Variants in SETDB1 observed in about 807,000 individuals in gnomAD.
SETDB1 encodes the protein SET domain bifurcated histone lysine methyltransferase 1.
A neutral mutation model predicts 137.4 loss-of-function variants in SETDB1; 31 were observed. The ratio of observed to expected loss-of-function variants is 0.23; its 90% CI spans 0.17 to 0.30. SETDB1 has a LOEUF of 0.30. Among genes scored for constraint, SETDB1 ranks in the 10% least tolerant of loss-of-function variants. The pLI is 1.00. For synonymous variants in SETDB1, 548 were observed against 579.9 expected (o/e 0.95, Z 0.79); for missense variants, 1,113 against 1,631.5 (o/e 0.68, Z 5.47).
chr1:150,951,258 C>A, intron 13 of SETDB1, 107 bp from the exon 14 acceptor site: 1 of 1,123,400 alleles, frequency 8.9e-7, no homozygotes, highest in Non-Finnish European at 1.3e-6. Flanking sequence ...GGTAGGGAGG[C>A]TGGAGTCTGA....
Position 150,946,957 on chromosome 1 carries a change from C to G in SETDB1, c.1212C>G (p.Ser404=), listed in dbSNP as rs1340921220. 1.2e-6 allele frequency: 2 copies of G among 1,614,184 alleles called. No individual in the cohort carries two copies. Among genetic ancestry groups the G allele is most frequent in the South Asian group, 2.2e-5 (2 of 91,088 alleles). ...AGCCCATGTTCAGCATGAAAACATC[C>G]TCAGCCTCTGCACTGGAGAAGAAGC... ...RLEPMFSMKT[S]SASALEKKQG... is the part of the protein sequence containing the mutation. Residue 404 remains serine, a synonymous_variant, in exon 10 of 22, where the codon TCC becomes TCG. Coordinates refer to ENST00000692827, the MANE Select transcript of SETDB1 (RefSeq NM_001366418.1).
In SETDB1 at chr1:150,949,176, C is replaced by G; in HGVS notation, c.1322C>G (p.Thr441Ser). 1.2e-6 allele frequency: 2 copies of G among 1,614,076 alleles called. No individual in the cohort carries two copies. The highest frequency in any genetic ancestry group is 1.7e-6 in the Non-Finnish European group (2 of 1,180,004). Residue 441 changes from threonine to serine, a missense_variant, in exon 11 of 22, where the codon ACT (threonine) becomes AGT (serine). This residue lies in a region of SETDB1 where 192 missense variants were observed against 198.1 expected (regional missense o/e 0.97). Coordinates refer to ENST00000692827, the MANE Select transcript of SETDB1 (RefSeq NM_001366418.1). The part of the protein sequence containing the change: ...VVQYTQDLTG[T>S]GTQFKPVEPP... ...CAGTACACACAGGATCTGACCGGTACTGGAACCCAGTTCAAGCCAGTGGAA... is the reference window on the plus strand; with the variant it reads ...CAGTACACACAGGATCTGACCGGTAGTGGAACCCAGTTCAAGCCAGTGGAA...
intron 2 of SETDB1, among the ~76,000 whole-genome samples, chr1:150,929,101 A>G (rs1340410054): frequency 6.6e-6 from 1 of 152,166 alleles, no homozygotes. Flanking sequence ...TCCTTTGGGT[A>G]TATACCCAGT....
rs779371202 is a variant in SETDB1, at chr1:150,946,969, A to G, written c.1224A>G (p.Ala408=). The change falls in exon 10 of 22, where the codon GCA becomes GCG. Residue 408 remains alanine (A), a synonymous_variant. Coordinates refer to ENST00000692827, the MANE Select transcript of SETDB1 (RefSeq NM_001366418.1). ...MFSMKTSSAS[A]LEKKQGQLRT... is the part of the protein sequence containing the mutation. Reference sequence around the variant, plus strand: ...GCATGAAAACATCCTCAGCCTCTGCACTGGAGAAGAAGCAAGGACAGCTCA... The same window carrying G: ...GCATGAAAACATCCTCAGCCTCTGCGCTGGAGAAGAAGCAAGGACAGCTCA... 6 of 1,614,180 alleles carry G rather than the reference A, an allele frequency of 3.7e-6. No individual in the cohort carries two copies. The highest frequency in any genetic ancestry group is 5.1e-6 in the Non-Finnish European group (6 of 1,180,010).
At chr1:150,938,961 C>A (rs1408867739) in intron 3 of SETDB1, among the ~76,000 whole-genome samples, 1 of 152,058 alleles carries the variant, frequency 6.6e-6, no homozygotes, top group South Asian at 2.1e-4. Flanking sequence ...CCACTGCACT[C>A]CACTGGTCTT....
At chr1:150,946,248 A>T (rs1670324225) in intron 9 of SETDB1, among the ~76,000 whole-genome samples, 1 of 151,938 alleles carries the variant, frequency 6.6e-6, no homozygotes, top group Non-Finnish European at 1.5e-5. Flanking sequence ...CGAACTCCTG[A>T]GCTCAAGCAG....
chr1:150,947,056 C>T (rs1245024414), intron 10 of SETDB1, 44 bp downstream of exon 10: 3 of 1,610,116 alleles, frequency 1.9e-6, no homozygotes, highest in African/African-American at 2.7e-5. Context: ...AACAGGCCAA[C>T]CAGCAAAGGA....
In SETDB1 at chr1:150,942,669, T is replaced by C; in HGVS notation, c.654T>C (p.Leu218=). The C allele has an allele frequency of 6.2e-7, 1 of 1,613,402 alleles. No homozygotes were observed. Among genetic ancestry groups the C allele is most frequent in the South Asian group, 1.1e-5 (1 of 90,938 alleles). The change falls in exon 6 of 22, where the codon CTT becomes CTC. Residue 218 remains leucine (L), a synonymous_variant. Transcript: ENST00000692827. ...KRTKTWHKGT[L]IAIQTVGPGK... ...CTAAGACTTGGCACAAAGGCACCCTTATTGCCATCCAGACAGTTGGTATGT... is the reference window on the plus strand; with the variant it reads ...CTAAGACTTGGCACAAAGGCACCCTCATTGCCATCCAGACAGTTGGTATGT...
At chr1:150,936,891 G>A (rs1039504636) in intron 3 of SETDB1, among the ~76,000 whole-genome samples, 4 of 152,140 alleles carry the variant, frequency 2.6e-5, no homozygotes, top group South Asian at 4.1e-4. Context: ...TTGGGAGGCC[G>A]AGGCGGGTGG....
chr1:150,959,195 A>G lies in SETDB1; in HGVS notation c.2351A>G (p.Lys784Arg), dbSNP rs1245421489. 5 of 1,582,164 alleles carry G rather than the reference A, an allele frequency of 3.2e-6. No individual in the cohort carries two copies. Among genetic ancestry groups the G allele is most frequent in the East Asian group, 2.3e-5 (1 of 43,100 alleles). The change falls in exon 15 of 22, where the codon AAA (lysine) becomes AGA (arginine). Residue 784 changes from lysine to arginine, a missense_variant. This residue lies in a region of SETDB1 where 81 missense variants were observed against 123.4 expected (regional missense o/e 0.66). Coordinates refer to ENST00000692827, the MANE Select transcript of SETDB1 (RefSeq NM_001366418.1). ...CLPTGVYECN[K>R]RCKCDPNMCT... Reference sequence around the variant, plus strand: ...CCTCCCAGGGTATATGAGTGTAACAAACGCTGCAAATGTGACCCAAACATG... The same window carrying G: ...CCTCCCAGGGTATATGAGTGTAACAGACGCTGCAAATGTGACCCAAACATG...
Position 150,943,978 on chromosome 1 carries a change from C to G in SETDB1, c.934C>G (p.Pro312Ala), listed in dbSNP as rs1195596229. ...CTATGTCACACAGTCGGAACTGTAT[C>G]CCATTTGCCGGCCACGTGAGTGTTT... is the stretch of plus-strand genomic sequence containing the variant. ...ASYVTQSELY[P>A]ICRPLKKTWE... The change falls in exon 8 of 22, where the codon CCC (proline) becomes GCC (alanine). Residue 312 changes from proline to alanine, a missense_variant. This residue lies in a region of SETDB1 where 154 missense variants were observed against 303.1 expected (regional missense o/e 0.51). Transcript: ENST00000692827. The G allele has an allele frequency of 6.2e-7, 1 of 1,612,076 alleles. No individual in the cohort carries two copies. The highest frequency in any genetic ancestry group is 1.3e-5 in the African/African-American group (1 of 75,014).
At position 150,933,734 on chromosome 1, in the gene SETDB1, A is replaced by G. The variant is rs866284513; in HGVS notation, c.412+3616A>G. On this transcript the variant is annotated intron_variant, in intron 3 of 21. Transcript: ENST00000692827. ...ACAAACATTTCAGAAAACCACTGTCATTCTTCTGATTTTTCTTTTTCTTTT... is the reference window on the plus strand; with the variant it reads ...ACAAACATTTCAGAAAACCACTGTCGTTCTTCTGATTTTTCTTTTTCTTTT... Among the ~76,000 whole-genome samples the G allele has an allele frequency of 3.5e-5, 5 of 143,256 alleles. 1 individual carries two copies. The highest frequency in any genetic ancestry group is 3.4e-4 in the Admixed American group (5 of 14,578). 94.0% of individuals were successfully genotyped at this position (143,256 alleles called of 152,430 possible). A position where few individuals can be genotyped will look rare whatever the true frequency, so the allele number is the denominator to read the frequency against.
Position 150,964,441 on chromosome 1 carries a change from C to A in SETDB1, c.*77C>A. 1 of 1,060,916 alleles carries A rather than the reference C, an allele frequency of 9.4e-7. No homozygotes were observed. Among genetic ancestry groups the A allele is most frequent in the Non-Finnish European group, 1.4e-6 (1 of 694,528 alleles). 65.7% of individuals were successfully genotyped at this position (1,060,916 alleles called of 1,614,324 possible). A position where few individuals can be genotyped will look rare whatever the true frequency, so the allele number is the denominator to read the frequency against. On this transcript the variant is annotated 3_prime_UTR_variant, in exon 22 of 22. Coordinates refer to ENST00000692827, the MANE Select transcript of SETDB1 (RefSeq NM_001366418.1). ...GGTCTTCCTGATTGTTGAACCCTGA[C>A]CCGAAGTCTCTGGGCTAGCTACTCC...
At chr1:150,951,567 T>A in intron 14 of SETDB1, 86 bp downstream of exon 14, 1 of 719,940 alleles carries the variant, frequency 1.4e-6, no homozygotes, top group South Asian at 2.0e-5. Flanking sequence ...TCATCAGAAA[T>A]CTAAAAATTG....
chr1:150,947,547 G>A (rs1162614724), intron 10 of SETDB1, among the ~76,000 whole-genome samples: 1 of 152,138 alleles, frequency 6.6e-6, no homozygotes, highest in Non-Finnish European at 1.5e-5. Context: ...GAGACAGGTA[G>A]GTGGTTTGCT....
chr1:150,932,884 T>A (rs587734406), intron 3 of SETDB1, among the ~76,000 whole-genome samples: 12 of 152,322 alleles, frequency 7.9e-5, no homozygotes, highest in Non-Finnish European at 1.8e-4. Flanking sequence ...ATACTTTTTT[T>A]ATGTTGTGTT....
At chr1:150,927,490 A>T (rs587733333) in intron 1 of SETDB1, among the ~76,000 whole-genome samples, 5 of 152,286 alleles carry the variant, frequency 3.3e-5, no homozygotes, top group African/African-American at 1.2e-4. Context: ...TCAAACTCTT[A>T]AATCTTTTTC....
chr1:150,963,850 G>A (rs1342702336), intron 20 of SETDB1, 109 bp downstream of exon 20: 4 of 1,315,726 alleles, frequency 3.0e-6, no homozygotes, highest in Admixed American at 1.9e-5. Context: ...GATCTCAAAG[G>A]ATCTTAAAGA....
Position 150,943,087 on chromosome 1 carries a change from C to G in SETDB1, c.875+34C>G, listed in dbSNP as rs755291332. On this transcript the variant is annotated intron_variant, in intron 7 of 21. Transcript: ENST00000692827. ...ACAGAGGACTGTAAAGGGGTAGAGG[C>G]TGGGAGCACAGCACCTGCCCTGTTC... 3.3e-6 allele frequency: 5 copies of G among 1,514,984 alleles called. No homozygotes were observed. The African/African-American group carries it at 6.9e-5, about 21-fold the overall frequency. 93.8% of individuals were successfully genotyped at this position (1,514,984 alleles called of 1,614,324 possible).
Sources: gnomAD v4.1 joint callset for allele counts (sites outside exome capture counted in the v4.1 genomes callset) on GRCh38, gnomAD v4.1.1 for gene constraint, gnomAD v4.1.1 regional missense constraint, MANE v1.5 for transcripts, NCBI Gene and HGNC (gene_info 2026-07-23, HGNC 2026-07-21) for gene names.